Variants in DLGAP1 observed in about 807,000 individuals in gnomAD.
DLGAP1 encodes the protein disks large-associated protein 1.
DLGAP1 carries 11 observed loss-of-function variants against 90.8 expected under a neutral mutation model. That is an observed-to-expected ratio of 0.12 (90% CI 0.08 to 0.20). The LOEUF is 0.20. DLGAP1 is among the 10% of genes least tolerant of loss of function. DLGAP1 has a pLI of 1.00. For synonymous variants in DLGAP1, 558 were observed against 540.7 expected (o/e 1.03, Z -0.44); for missense variants, 1,050 against 1,333.8 (o/e 0.79, Z 3.31).
At chr18:4,405,102 A>G (rs549796510) in intron 1 of DLGAP1, among the ~76,000 whole-genome samples, 1 of 152,364 alleles carries the variant, frequency 6.6e-6, no homozygotes, top group African/African-American at 2.4e-5. Context: ...CACATTCATA[A>G]GTGAGGTTTC....
intron 1 of DLGAP1, among the ~76,000 whole-genome samples, chr18:4,450,688 G>GCCAAATCCAAAACAACA (rs2083802664): frequency 6.6e-6 from 1 of 152,218 alleles, no homozygotes; most frequent in African/African-American, 2.4e-5. Flanking sequence ...TTTGTGGTTT[G>GCCAAATCCAAAACAACA]CTGTTGTGCT....
At chr18:3,707,259 C>G (rs1221029092) in intron 7 of DLGAP1, among the ~76,000 whole-genome samples, 4 of 151,856 alleles carry the variant, frequency 2.6e-5, no homozygotes, top group Non-Finnish European at 5.9e-5. Flanking sequence ...AGATCTCTAT[C>G]TTTGGAAGAG....
At chr18:4,192,417 C>A (rs1568443340) in intron 1 of DLGAP1, among the ~76,000 whole-genome samples, 1 of 152,106 alleles carries the variant, frequency 6.6e-6, no homozygotes, top group African/African-American at 2.4e-5. Context: ...CCCCAAGCAG[C>A]CAGCACTTAG....
chr18:3,863,116 C>G (rs1383290355), intron 4 of DLGAP1, among the ~76,000 whole-genome samples: 2 of 152,216 alleles, frequency 1.3e-5, no homozygotes, highest in Non-Finnish European at 2.9e-5. Context: ...TGGTTACTGA[C>G]CACTAGAAAC....
At chr18:4,056,893 C>T (rs1167533538) in intron 2 of DLGAP1, among the ~76,000 whole-genome samples, 1 of 152,116 alleles carries the variant, frequency 6.6e-6, no homozygotes, top group East Asian at 1.9e-4. Flanking sequence ...TCCACAAGCA[C>T]ATCCGGATGA....
intron 2 of DLGAP1, among the ~76,000 whole-genome samples, chr18:4,009,304 C>T (rs1293854030): frequency 1.3e-5 from 2 of 152,158 alleles, no homozygotes; most frequent in Non-Finnish European, 2.9e-5. Flanking sequence ...GCTGCTTTCC[C>T]GTCTGGCATC....
rs1205411469 is a variant in DLGAP1 at position 3,653,522 on chromosome 18, T to C, written c.1592-71274A>G. The C allele has an allele frequency of 6.6e-6, 1 of 152,224 alleles. No individual in the cohort carries two copies. The highest frequency in any genetic ancestry group is 1.9e-4 in the East Asian group (1 of 5,198). The allele number at this position is 152,224 out of a possible 1,614,324, so 9.4% of individuals were successfully genotyped here. A position where few individuals can be genotyped will look rare whatever the true frequency, so the allele number is the denominator to read the frequency against. ...TGAGACACAAAATGGGTTTTTCTTT[T>C]TGCTGATTTAAAAAGCTGCTATGAA... On this transcript the variant is annotated intron_variant, in intron 7 of 12. Transcript: ENST00000315677. This position sits in a 1 kb window ranked among gnomAD's most constrained non-coding sequence, Gnocchi z 4.6.
chr18:4,356,287 C>T (rs1229863183), intron 1 of DLGAP1, among the ~76,000 whole-genome samples: 2 of 152,040 alleles, frequency 1.3e-5, no homozygotes, highest in Non-Finnish European at 1.5e-5. Context: ...GTTACCTATA[C>T]ACTGACAACT....
chr18:4,445,825 T>C (rs2083650700), intron 1 of DLGAP1, among the ~76,000 whole-genome samples: 1 of 152,076 alleles, frequency 6.6e-6, no homozygotes, highest in South Asian at 2.1e-4. Flanking sequence ...TACCCTCAGC[T>C]GAGTAGTCAT....
rs1468686341 is a variant in DLGAP1, at chr18:3,580,209, C to T, written c.1965+1666G>A. The stretch of plus-strand genomic sequence containing the variant: ...AGCCAGACGTCCAAAGTCAAACCTC[C>T]GGGTGGACATTCCCCTCAGGTGAAC... On this transcript the variant is annotated intron_variant, in intron 8 of 12. Transcript: ENST00000315677. The T allele has an allele frequency of 7.0e-6, 11 of 1,572,322 alleles. No individual in the cohort carries two copies. In the East Asian group the frequency reaches 1.1e-4, roughly 16 times the overall value.
intron 3 of DLGAP1, among the ~76,000 whole-genome samples, chr18:3,880,815 T>C (rs1466116065): frequency 4.0e-5 from 6 of 151,356 alleles, no homozygotes; most frequent in African/African-American, 9.7e-5. Flanking sequence ...TGGTGGTGGG[T>C]GCCTGTAATC....
At position 4,223,356 on chromosome 18, in the gene DLGAP1, A is replaced by G. The variant is rs112871151; in HGVS notation, c.-266-72069T>C. Among the ~76,000 whole-genome samples the G allele has an allele frequency of 6.3e-3, 953 of 152,302 alleles. 8 individuals carry two copies. The highest frequency in any genetic ancestry group is 0.021 in the African/African-American group (888 of 41,566). On this transcript the variant is annotated intron_variant, in intron 1 of 12. Transcript: ENST00000315677. ...GTTTCTTATATTTTCCAAATGGAAG[A>G]AGTATTCCAAGAACAGATCCATGTT...
At chr18:4,343,477 G>T (rs1023848892) in intron 1 of DLGAP1, among the ~76,000 whole-genome samples, 11 of 152,018 alleles carry the variant, frequency 7.2e-5, no homozygotes, top group African/African-American at 2.7e-4. Context: ...ATTAGGTTGG[G>T]TCAGCAGTTT....
intron 9 of DLGAP1, among the ~76,000 whole-genome samples, chr18:3,561,799 G>T (rs1252895285): frequency 1.3e-5 from 2 of 150,722 alleles, no homozygotes; most frequent in Admixed American, 1.3e-4. Context: ...CCGTTTTAAC[G>T]CTGCTGATAA....
At chr18:3,758,451 T>C (rs1026249233) in intron 5 of DLGAP1, among the ~76,000 whole-genome samples, 4 of 152,196 alleles carry the variant, frequency 2.6e-5, no homozygotes, top group African/African-American at 7.2e-5. Flanking sequence ...TGATCATTAT[T>C]GGCCAAAATT....
chr18:3,938,497 C>A (rs954237592), intron 3 of DLGAP1, among the ~76,000 whole-genome samples: 1 of 152,260 alleles, frequency 6.6e-6, no homozygotes, highest in South Asian at 2.1e-4. Flanking sequence ...AGTGCAGGTG[C>A]AAGGTCGCGA....
At position 4,217,962 on chromosome 18, in the gene DLGAP1, G is replaced by A. The variant is rs2144942531; in HGVS notation, c.-266-66675C>T. On this transcript the variant is annotated intron_variant, in intron 1 of 12. Transcript: ENST00000315677. ...TTTTCTTTCATGAATTGTACTTTTG[G>A]TATTATATCTAAACACATTGCTAAA... 2.0e-5 allele frequency among the ~76,000 whole-genome samples: 3 copies of A among 151,982 alleles called. No individual in the cohort carries two copies. The Middle Eastern group carries it at 0.01, about 517-fold the overall frequency.
At chr18:3,635,409 G>A (rs536686586) in intron 7 of DLGAP1, among the ~76,000 whole-genome samples, 1 of 151,344 alleles carries the variant, frequency 6.6e-6, no homozygotes, top group Non-Finnish European at 1.5e-5. Flanking sequence ...AAAGTGCTGG[G>A]ATTACAGGCG....
At chr18:4,323,787 G>T (rs944690684) in intron 1 of DLGAP1, among the ~76,000 whole-genome samples, 3 of 152,134 alleles carry the variant, frequency 2.0e-5, no homozygotes, top group African/African-American at 7.2e-5. Context: ...GGTTAACAAT[G>T]AAATTAAGGC....
Sources: allele counts gnomAD v4.1 joint callset (sites outside exome capture counted in the v4.1 genomes callset), GRCh38; gene constraint gnomAD v4.1.1; non-coding constraint Gnocchi (gnomAD v3.1); transcripts MANE v1.5; gene names NCBI Gene and HGNC (gene_info 2026-07-23, HGNC 2026-07-21).